The following CDK13 variants were observed in gnomAD, a reference collection of about 807,000 sequenced individuals.
CDK13 encodes cyclin dependent kinase 13.
CDK13 carries 40 observed loss-of-function variants against 137.6 expected under a neutral mutation model. The observed-to-expected ratio is 0.29, with a 90% CI of 0.23 to 0.38. CDK13 has a LOEUF of 0.38. CDK13 is among the 10% of genes least tolerant of loss of function. The pLI is 1.00. For synonymous variants in CDK13, 869 were observed against 760.1 expected (o/e 1.14, Z -2.36); for missense variants, 1,704 against 1,951.8 (o/e 0.87, Z 2.39).
rs17538041 is a variant in CDK13, at chr7:40,046,351, A to G, written c.2543+326A>G. Among the ~76,000 whole-genome samples, 626 of 152,320 alleles carry G rather than the reference A, an allele frequency of 4.1e-3. 4 individuals are homozygous for G. Among genetic ancestry groups the G allele is most frequent in the African/African-American group, 0.015 (604 of 41,572 alleles). Reference sequence around the variant, plus strand: ...TTAGTTTACTTTATACAAACTATGTAAAAATAATCAGGCCAGCCACAGTGG... The same window carrying G: ...TTAGTTTACTTTATACAAACTATGTGAAAATAATCAGGCCAGCCACAGTGG... On this transcript the variant is annotated intron_variant, in intron 6 of 13. Coordinates refer to ENST00000181839, the MANE Select transcript of CDK13 (RefSeq NM_003718.5).
chr7:40,062,773 C>T (rs1275660811), intron 7 of CDK13, 53 bp from the exon 8 acceptor site: 6 of 1,222,778 alleles, frequency 4.9e-6, no homozygotes, highest in Admixed American at 1.8e-5. Context: ...CTCAGAGAAT[C>T]TGTCTTACTC....
intron 1 of CDK13, 121 bp from the exon 2 acceptor site, chr7:39,987,478 T>G (rs1044895269): frequency 1.1e-5 from 10 of 876,214 alleles, no homozygotes; most frequent in Non-Finnish European, 1.6e-5. Context: ...ACTTCAAAAA[T>G]GTAACTTTGA....
intron 9 of CDK13, chr7:40,069,240 A>G (rs969783816): frequency 1.8e-5 from 8 of 436,276 alleles, no homozygotes; most frequent in Non-Finnish European, 4.6e-6. Flanking sequence ...GTCTCAAAAA[A>G]ACAGAAATAA....
chr7:40,004,799 A>G (rs1784762560), intron 5 of CDK13, among the ~76,000 whole-genome samples: 1 of 152,262 alleles, frequency 6.6e-6, no homozygotes, highest in Admixed American at 6.5e-5. Flanking sequence ...ACAAAAATCA[A>G]GTAAAAATAT....
At chr7:40,005,779 G>A (rs1280392243) in intron 5 of CDK13, among the ~76,000 whole-genome samples, 1 of 152,062 alleles carries the variant, frequency 6.6e-6, no homozygotes, top group Non-Finnish European at 1.5e-5. Context: ...CCAAGCTAGC[G>A]TGCGGTGGCA....
chr7:39,957,090 CGTGTGTGTGTGTGTGTGTGTGT>C (rs70996865), intron 1 of CDK13, among the ~76,000 whole-genome samples: 3 of 140,934 alleles, frequency 2.1e-5, no homozygotes, highest in Non-Finnish European at 4.6e-5. Flanking sequence ...ATCCCACTGT[CGTGTGTGTGTGTGTGTGTGTGT>C]GTGTGTGTGT....
chr7:39,997,198 G>C (rs1784582634), intron 2 of CDK13, among the ~76,000 whole-genome samples: 1 of 152,022 alleles, frequency 6.6e-6, no homozygotes, highest in South Asian at 2.1e-4. Flanking sequence ...TCTTACATCA[G>C]TATGGTACAT....
intron 5 of CDK13, among the ~76,000 whole-genome samples, chr7:40,013,073 T>G (rs1784930511): frequency 6.6e-6 from 1 of 152,184 alleles, no homozygotes; most frequent in African/African-American, 2.4e-5. Flanking sequence ...TTAAGTACTG[T>G]TAAGCCTTGA....
At chr7:40,035,135 C>T (rs1234311591) in intron 5 of CDK13, among the ~76,000 whole-genome samples, 1 of 152,128 alleles carries the variant, frequency 6.6e-6, no homozygotes, top group Admixed American at 6.6e-5. Flanking sequence ...AGCTTTCCTA[C>T]CATAATGAAA....
At chr7:40,003,386 G>A (rs1784735341) in intron 5 of CDK13, among the ~76,000 whole-genome samples, 1 of 152,046 alleles carries the variant, frequency 6.6e-6, no homozygotes, top group Non-Finnish European at 1.5e-5. Context: ...TCATTTCTCA[G>A]CCTGACTTTT....
intron 11 of CDK13, among the ~76,000 whole-genome samples, chr7:40,083,130 A>G (rs1315355374): frequency 2.7e-5 from 4 of 150,542 alleles, no homozygotes; most frequent in African/African-American, 7.3e-5. Context: ...AAAGATTCTA[A>G]TGACCTTCTA....
intron 5 of CDK13, among the ~76,000 whole-genome samples, chr7:40,019,107 A>G (rs558859244): frequency 1.4e-4 from 22 of 152,308 alleles, no homozygotes; most frequent in African/African-American, 5.3e-4. Flanking sequence ...TTTACAAAGG[A>G]CTAGGTAAAG....
intron 1 of CDK13, 73 bp from the exon 2 acceptor site, chr7:39,987,526 T>A: frequency 8.5e-7 from 1 of 1,170,418 alleles, no homozygotes; most frequent in Admixed American, 2.6e-5. Context: ...TAAACTTGAA[T>A]TAGCACTGTC....
chr7:39,951,475 C>A lies in CDK13; in HGVS notation c.834C>A (p.Ala278=), dbSNP rs367808094. The A allele has an allele frequency of 1.3e-6, 2 of 1,538,138 alleles. No homozygotes were observed. Among genetic ancestry groups the A allele is most frequent in the Non-Finnish European group, 1.7e-6 (2 of 1,143,344 alleles). ...GCCGCAAGGACCGGGACTCGAAGGCCCACCGCAGCCGGACTAAGTCGTCCA... is the reference window on the plus strand; with the variant it reads ...GCCGCAAGGACCGGGACTCGAAGGCACACCGCAGCCGGACTAAGTCGTCCA... ...SSSRKDRDSK[A]HRSRTKSSKE... The change falls in exon 1 of 14, where the codon GCC becomes GCA. Residue 278 remains alanine, a synonymous_variant. Transcript: ENST00000181839.
In CDK13 at chr7:40,094,181, C is replaced by T; in HGVS notation, c.3740C>T (p.Pro1247Leu). 6.2e-7 allele frequency: 1 copy of T among 1,613,994 alleles called. No individual in the cohort carries two copies. The highest frequency in any genetic ancestry group is 8.5e-7 in the Non-Finnish European group (1 of 1,179,998). Residue 1247 changes from proline (P) to leucine (L), a missense_variant, in exon 14 of 14, where the codon CCA becomes CTA. By Grantham distance (98) the Pro-to-Leu change is moderately conservative (BLOSUM62 -3). Around this residue, in one of 5 missense-constraint regions of CDK13, gnomAD observed 475 missense variants for 579.3 expected, o/e 0.82. Coordinates refer to ENST00000181839, the MANE Select transcript of CDK13 (RefSeq NM_003718.5). ...GATATGAGGATCTTGGAGCTAACGC[C>T]AGAACCAGACCGGCCTCGAATTCTG... ...HQDMRILELT[P>L]EPDRPRILPP... is the part of the protein sequence containing the mutation.
intron 5 of CDK13, among the ~76,000 whole-genome samples, chr7:40,010,589 C>A (rs748499419): frequency 3.9e-5 from 6 of 152,196 alleles, no homozygotes; most frequent in Admixed American, 3.3e-4. Flanking sequence ...GATGCATAGG[C>A]AGATTTCACT....
chr7:39,996,961 C>CAAAAAAAAAAAAAAAAAAAAAAAAAAA (rs72210233), intron 2 of CDK13, among the ~76,000 whole-genome samples: 5 of 83,248 alleles, frequency 6.0e-5, no homozygotes, highest in African/African-American at 3.9e-4. Context: ...GATTCCATCT[C>CAAAAAAAAAAAAAAAAAAAAAAAAAAA]AAAAAAAAAA....
intron 2 of CDK13, among the ~76,000 whole-genome samples, chr7:39,989,086 C>CAAAAA (rs1213730855): frequency 0.011 from 501 of 46,328 alleles, 14 homozygotes; most frequent in Non-Finnish European, 0.015. Flanking sequence ...CGTGTCTCAC[C>CAAAAA]AAAAAAAAAA....
rs569858554 is a variant in CDK13 at position 40,066,218 on chromosome 7, C to A, written c.2780+3118C>A. ...AGACCATGTCTCCAAAATAAAAAAC[C>A]AGCCCCATTATTTTCTTTGATAAAT... On this transcript the variant is annotated intron_variant, in intron 9 of 13. Coordinates refer to ENST00000181839, the MANE Select transcript of CDK13 (RefSeq NM_003718.5). Among the ~76,000 whole-genome samples the A allele has an allele frequency of 2.5e-4, 38 of 152,230 alleles. No individual in the cohort carries two copies. In the Middle Eastern group the frequency reaches 0.014, roughly 55 times the overall value.
Sources: allele counts gnomAD v4.1 joint callset (sites outside exome capture counted in the v4.1 genomes callset), GRCh38; gene constraint gnomAD v4.1.1; regional missense constraint gnomAD v4.1.1; transcripts MANE v1.5; gene names NCBI Gene and HGNC (gene_info 2026-07-23, HGNC 2026-07-21).